ABLIM1: variants seen among roughly 807,000 people sequenced by gnomAD.
ABLIM1 encodes the protein actin-binding LIM protein 1.
ABLIM1 carries 40 observed loss-of-function variants against 107.0 expected under a neutral mutation model. The observed-to-expected ratio is 0.37, with a 90% CI of 0.29 to 0.49. The LOEUF (loss-of-function observed/expected upper bound fraction) is 0.49. ABLIM1 is among the 20% of genes least tolerant of loss of function. ABLIM1 has a pLI of 0.97. For synonymous variants in ABLIM1, 357 were observed against 357.3 expected (o/e 1.00, Z 0.01); for missense variants, 857 against 1,008.5 (o/e 0.85, Z 2.04).
In ABLIM1 at chr10:114,731,246, T is replaced by C. The variant is rs375120170; in HGVS notation, c.-213+36815A>G. On this transcript the variant is annotated intron_variant, in intron 1 of 15. Coordinates refer to the ABLIM1 transcript ENST00000651092. Reference sequence around the variant, plus strand: ...ACCTCCGCCTCCCGGGTTCAAGCAATTCTCCTGGCTCAGCCTTGCGAGTAG... The same window carrying C: ...ACCTCCGCCTCCCGGGTTCAAGCAACTCTCCTGGCTCAGCCTTGCGAGTAG... 6.8e-4 allele frequency among the ~76,000 whole-genome samples: 102 copies of C among 150,898 alleles called. 3 individuals are homozygous for C. The South Asian group carries it at 0.02, about 29-fold the overall frequency.
intron 1 of ABLIM1, among the ~76,000 whole-genome samples, chr10:114,634,677 T>A (rs553657144): frequency 2.0e-5 from 3 of 152,068 alleles, no homozygotes; most frequent in Non-Finnish European, 4.4e-5. Context: ...TCAGAGAGAT[T>A]TTCCCCCCGC....
intron 7 of ABLIM1, among the ~76,000 whole-genome samples, chr10:114,491,012 G>GTATATATATATATATA (rs71473045): frequency 2.3e-4 from 21 of 92,350 alleles, no homozygotes; most frequent in African/African-American, 7.8e-4. Context: ...GTGTGTGTGT[G>GTATATATATATATATA]TATATATATA....
chr10:114,468,314 G>T (rs1018853035), intron 10 of ABLIM1, 98 bp from the exon 11 acceptor site: 25 of 1,206,188 alleles, frequency 2.1e-5, no homozygotes, highest in South Asian at 1.2e-4. Flanking sequence ...TCGCTCTGTC[G>T]CCCAGGCTGG....
chr10:114,632,805 T>A, intron 1 of ABLIM1: 1 of 984,964 alleles, frequency 1.0e-6, no homozygotes, highest in Non-Finnish European at 1.2e-6. Context: ...AGGGAGGAAC[T>A]CCAGTCACAA....
At chr10:114,776,464 T>C in the ABLIM1 span, among the ~76,000 whole-genome samples, 1 of 151,924 alleles carries the variant, frequency 6.6e-6, no homozygotes, top group African/African-American at 2.4e-5. Flanking sequence ...AATACAAAAA[T>C]TAGCCGGGTG....
intron 1 of ABLIM1, among the ~76,000 whole-genome samples, chr10:114,714,465 A>C (rs1352478329): frequency 1.3e-5 from 2 of 152,226 alleles, no homozygotes; most frequent in Admixed American, 1.3e-4. Context: ...CTGACATCTT[A>C]AGTTGAAAGC....
intron 15 of ABLIM1, among the ~76,000 whole-genome samples, chr10:114,446,936 A>C (rs1478147045): frequency 6.6e-6 from 1 of 152,242 alleles, no homozygotes; most frequent in African/African-American, 2.4e-5. Flanking sequence ...TGAATAATGA[A>C]CTTAGGAGGT....
At chr10:114,541,113 G>T (rs193148064) in intron 6 of ABLIM1, among the ~76,000 whole-genome samples, 74 of 152,192 alleles carry the variant, frequency 4.9e-4, no homozygotes, top group African/African-American at 1.7e-3. Flanking sequence ...AGATTGGGAG[G>T]CTGCCACAAG....
intron 10 of ABLIM1, among the ~76,000 whole-genome samples, chr10:114,468,711 G>A (rs541562136): frequency 6.6e-6 from 1 of 152,234 alleles, no homozygotes; most frequent in Non-Finnish European, 1.5e-5. Flanking sequence ...CAGACAGGTA[G>A]ACTCTGACAA....
At chr10:114,801,087 A>G in the ABLIM1 span, among the ~76,000 whole-genome samples, 2 of 152,178 alleles carry the variant, frequency 1.3e-5, no homozygotes, top group Non-Finnish European at 2.9e-5. Context: ...CTGCATTCTT[A>G]TAATAAAGTA....
intron 4 of ABLIM1, among the ~76,000 whole-genome samples, chr10:114,553,105 C>A (rs999942426): frequency 6.6e-6 from 1 of 151,480 alleles, no homozygotes; most frequent in Non-Finnish European, 1.5e-5. Flanking sequence ...CTGGAATTCT[C>A]ATTTGAGATG....
intron 1 of ABLIM1, among the ~76,000 whole-genome samples, chr10:114,752,195 T>C (rs976320348): frequency 1.3e-5 from 2 of 152,138 alleles, no homozygotes; most frequent in African/African-American, 4.8e-5. Context: ...ATCTAAGGAA[T>C]AGAGGGGACT....
intron 6 of ABLIM1, among the ~76,000 whole-genome samples, chr10:114,539,093 C>T (rs1358665689): frequency 6.6e-6 from 1 of 152,244 alleles, no homozygotes; most frequent in African/African-American, 2.4e-5. Context: ...CGCAGTGGCT[C>T]ACGCCTATAA....
Position 114,514,434 on chromosome 10 carries a change from C to G in ABLIM1, c.895-22556G>C, listed in dbSNP as rs567838962. On this transcript the variant is annotated intron_variant, in intron 6 of 22. Coordinates refer to ENST00000533213, the MANE Select transcript of ABLIM1 (RefSeq NM_002313.7). ...TGTTGCCCAGGCTGGAATGCAGTGG[C>G]GTGATCACAGCTCACTGCAGACTCG... Among the ~76,000 whole-genome samples the G allele has an allele frequency of 7.2e-5, 11 of 152,242 alleles. No individual in the cohort carries two copies. In the South Asian group the frequency reaches 2.1e-3, roughly 29 times the overall value.
At chr10:114,721,784 G>A (rs909055862) in intron 1 of ABLIM1, among the ~76,000 whole-genome samples, 4 of 152,174 alleles carry the variant, frequency 2.6e-5, no homozygotes, top group Admixed American at 2.6e-4. Flanking sequence ...TACCACGCCC[G>A]GCCAAGCAGA....
intron 7 of ABLIM1, among the ~76,000 whole-genome samples, chr10:114,488,938 T>A (rs767428013): frequency 6.6e-6 from 1 of 152,232 alleles, no homozygotes; most frequent in Admixed American, 6.5e-5. Flanking sequence ...AAAGTTACTA[T>A]GTTGAAAGCA....
rs551865763 is a variant in ABLIM1 at position 114,440,450 on chromosome 10, C to CA, written c.2060-362_2060-361insT. Among the ~76,000 whole-genome samples, 336 of 146,538 alleles carry CA rather than the reference C, an allele frequency of 2.3e-3. 3 individuals carry two copies. Among genetic ancestry groups the CA allele is most frequent in the Middle Eastern group, 3.5e-3 (1 of 282 alleles). On this transcript the variant is annotated intron_variant, in intron 19 of 22. Coordinates refer to ENST00000533213, the MANE Select transcript of ABLIM1 (RefSeq NM_002313.7). ...TCACTTATTGTTGTACCTCCAGTTACTTTTTTTTTTTTTAAGAGACAGTCT... is the reference window on the plus strand; with the variant it reads ...TCACTTATTGTTGTACCTCCAGTTACATTTTTTTTTTTTTAAGAGACAGTCT...
chr10:114,529,227 C>T (rs921704296), intron 6 of ABLIM1, among the ~76,000 whole-genome samples: 4 of 151,270 alleles, frequency 2.6e-5, no homozygotes, highest in Non-Finnish European at 5.9e-5. Flanking sequence ...CGGGTTCAAG[C>T]GATTCTCCTG....
chr10:114,505,228 C>G (rs1014550712), intron 6 of ABLIM1, among the ~76,000 whole-genome samples: 16 of 152,214 alleles, frequency 1.1e-4, no homozygotes, highest in African/African-American at 3.9e-4. Flanking sequence ...CCCTAACACT[C>G]AAGGTCAAAG....
Sources: allele counts gnomAD v4.1 joint callset (sites outside exome capture counted in the v4.1 genomes callset), GRCh38; gene constraint gnomAD v4.1.1; transcripts MANE v1.5; gene names NCBI Gene and HGNC (gene_info 2026-07-23, HGNC 2026-07-21).